The following RETREG1 variants were observed in gnomAD, a reference collection of about 807,000 sequenced individuals.
RETREG1 encodes reticulophagy regulator 1.
RETREG1 carries 44 observed loss-of-function variants against 54.8 expected under a neutral mutation model. That is an observed-to-expected ratio of 0.80 (90% CI 0.63 to 1.03). RETREG1 has a LOEUF of 1.03. Ranked by LOEUF, RETREG1 falls within the 50% of genes least tolerant of loss-of-function variation. The pLI is 0.00. For missense variants in RETREG1, 554 were observed against 605.1 expected, an observed-to-expected ratio of 0.92 and a Z score of 0.89; for synonymous variants, 217 against 238.5, an observed-to-expected ratio of 0.91 and a Z score of 0.83.
intron 3 of RETREG1, among the ~76,000 whole-genome samples, chr5:16,510,770 A>G (rs955463009): frequency 1.4e-5 from 2 of 147,508 alleles, no homozygotes; most frequent in Non-Finnish European, 3.0e-5. Flanking sequence ...AGTCTAGGTG[A>G]CAGAGTGAGA....
chr5:16,478,597 T>C (rs576305930), intron 6 of RETREG1, among the ~76,000 whole-genome samples: 2 of 152,256 alleles, frequency 1.3e-5, no homozygotes, highest in South Asian at 4.1e-4. Context: ...AGTAGCACAA[T>C]AAAGAGTGTT....
chr5:16,572,766 C>T (rs1742213049), intron 1 of RETREG1, among the ~76,000 whole-genome samples: 1 of 152,128 alleles, frequency 6.6e-6, no homozygotes, highest in African/African-American at 2.4e-5. Context: ...CAGAGCCAAG[C>T]TGCAGGGCTC....
rs570202004 is a variant in RETREG1, at chr5:16,489,233, C to T, written c.459-5761G>A. Reference sequence around the variant, plus strand: ...AGTCAAACTGGGATGTGAAGCAGTTCACTTATTTTACTTTTATGTGTATCT... The same window carrying T: ...AGTCAAACTGGGATGTGAAGCAGTTTACTTATTTTACTTTTATGTGTATCT... On this transcript the variant is annotated intron_variant, in intron 3 of 8. Transcript: ENST00000306320. 5.3e-5 allele frequency among the ~76,000 whole-genome samples: 8 copies of T among 151,528 alleles called. No homozygotes were observed. In the South Asian group the frequency reaches 1.7e-3, roughly 32 times the overall value.
At chr5:16,552,488 G>A (rs929198123) in intron 3 of RETREG1, among the ~76,000 whole-genome samples, 6 of 152,134 alleles carry the variant, frequency 3.9e-5, no homozygotes, top group African/African-American at 1.4e-4. Context: ...AACAGTAAAA[G>A]GGTCATGAAC....
intron 3 of RETREG1, among the ~76,000 whole-genome samples, chr5:16,554,795 G>C (rs1005295710): frequency 6.6e-6 from 1 of 152,032 alleles, no homozygotes; most frequent in African/African-American, 2.4e-5. Context: ...AGTCACTATG[G>C]CTACATACCA....
At chr5:16,479,121 A>G (rs1738661465) in intron 5 of RETREG1, 134 bp from the exon 6 acceptor site, 1 of 803,768 alleles carries the variant, frequency 1.2e-6, no homozygotes, top group African/African-American at 1.8e-5. Context: ...ATTGTGAAAT[A>G]AGTTTATAAT....
intron 1 of RETREG1, among the ~76,000 whole-genome samples, chr5:16,580,376 C>A (rs1192877819): frequency 1.3e-5 from 2 of 152,346 alleles, no homozygotes; most frequent in Admixed American, 1.3e-4. Context: ...TTTTCTGAAA[C>A]ACCTTGCTGA....
chr5:16,570,963 T>C (rs1742157947), intron 2 of RETREG1, among the ~76,000 whole-genome samples: 2 of 152,284 alleles, frequency 1.3e-5, no homozygotes, highest in East Asian at 3.9e-4. Context: ...ACCAAATTTG[T>C]TTGCCTTCCT....
intron 3 of RETREG1, among the ~76,000 whole-genome samples, chr5:16,512,163 G>T (rs1479940983): frequency 6.6e-6 from 1 of 152,178 alleles, no homozygotes; most frequent in Non-Finnish European, 1.5e-5. Context: ...TAGACATCTA[G>T]AACTTAAGGA....
intron 3 of RETREG1, among the ~76,000 whole-genome samples, chr5:16,512,270 C>T (rs1740201582): frequency 6.6e-6 from 1 of 152,170 alleles, no homozygotes. Flanking sequence ...AGTCAGGTGA[C>T]TTGCGGGTGA....
At chr5:16,573,102 A>C (rs147896188) in intron 1 of RETREG1, among the ~76,000 whole-genome samples, 1,951 of 145,074 alleles carry the variant, frequency 0.013, 14 homozygotes, top group Non-Finnish European at 0.018. Flanking sequence ...GAATCACTTG[A>C]ACCTGGGAGG....
chr5:16,494,258 T>C (rs531650332), intron 3 of RETREG1, among the ~76,000 whole-genome samples: 2 of 152,320 alleles, frequency 1.3e-5, no homozygotes, highest in South Asian at 2.1e-4. Flanking sequence ...ATAAATATAA[T>C]ATTCAACAAC....
intron 3 of RETREG1, among the ~76,000 whole-genome samples, chr5:16,506,468 TG>T (rs1478767673): frequency 9.1e-6 from 1 of 109,420 alleles, no homozygotes; most frequent in East Asian, 2.2e-4. Flanking sequence ...GCAATCTTTT[TG>T]TTTTTTTGTT....
chr5:16,493,469 A>T (rs1739332793), intron 3 of RETREG1, among the ~76,000 whole-genome samples: 1 of 152,164 alleles, frequency 6.6e-6, no homozygotes, highest in South Asian at 2.1e-4. Flanking sequence ...TGCTTCAATC[A>T]CTGTCCCTGA....
chr5:16,564,548 A>T (rs1741955504), intron 3 of RETREG1, among the ~76,000 whole-genome samples: 1 of 152,204 alleles, frequency 6.6e-6, no homozygotes, highest in Non-Finnish European at 1.5e-5. Flanking sequence ...TTTCTATAAA[A>T]TAGAAAGAGA....
rs756536189 is a variant in RETREG1, at chr5:16,474,699, T to C, written c.*42A>G. ...TTTTTTTTTTTTCTTGTTTGAAATT[T>C]TTTTGGTGTTTTTTGTGCTCTGTTG... On this transcript the variant is annotated 3_prime_UTR_variant, in exon 9 of 9. Coordinates refer to ENST00000306320, the MANE Select transcript of RETREG1 (RefSeq NM_001034850.3). The C allele has an allele frequency of 6.4e-7, 1 of 1,574,458 alleles. No homozygotes were observed. The highest frequency in any genetic ancestry group is 8.6e-7 in the Non-Finnish European group (1 of 1,169,206).
chr5:16,598,974 G>A (rs1197462044), intron 1 of RETREG1, among the ~76,000 whole-genome samples: 1 of 152,118 alleles, frequency 6.6e-6, no homozygotes, highest in African/African-American at 2.4e-5. Flanking sequence ...GAGGTGGGAG[G>A]ATCACTATGT....
At chr5:16,575,088 T>C (rs1005264507) in intron 1 of RETREG1, among the ~76,000 whole-genome samples, 5 of 152,226 alleles carry the variant, frequency 3.3e-5, no homozygotes, top group African/African-American at 1.2e-4. Context: ...CGACCTCACG[T>C]TGAAGTGGCA....
At chr5:16,609,538 GA>G (rs1743282456) in intron 1 of RETREG1, among the ~76,000 whole-genome samples, 2 of 152,312 alleles carry the variant, frequency 1.3e-5, no homozygotes, top group Non-Finnish European at 2.9e-5. Flanking sequence ...TGTGAGGCTA[GA>G]AGGACGCCAT....
Sources: allele counts gnomAD v4.1 joint callset (sites outside exome capture counted in the v4.1 genomes callset), GRCh38; gene constraint gnomAD v4.1.1; transcripts MANE v1.5; gene names NCBI Gene and HGNC (gene_info 2026-07-23, HGNC 2026-07-21).